Variants in LAMA5 observed in about 807,000 individuals in gnomAD.
LAMA5 encodes the protein laminin subunit alpha-5.
In LAMA5, 260 loss-of-function variants were observed where a neutral mutation model predicts 433.4. The observed-to-expected ratio is 0.60, with a 90% CI of 0.54 to 0.66. The LOEUF (loss-of-function observed/expected upper bound fraction) is 0.66, where lower values mean the gene tolerates loss of function less well. LAMA5 is among the 30% of genes least tolerant of loss of function. The pLI, the probability that LAMA5 is intolerant of heterozygous loss-of-function variation, is 0.00. For synonymous variants in LAMA5, 2,620 were observed against 2,226.6 expected (o/e 1.18, Z -4.97); for missense variants, 5,378 against 5,258.5 (o/e 1.02, Z -0.70).
intron 34 of LAMA5, 57 bp downstream of exon 34, chr20:62,328,787 C>T (rs917527072): frequency 2.6e-6 from 4 of 1,542,076 alleles, no homozygotes; most frequent in Non-Finnish European, 3.6e-6. Context: ...GACCCGTCCA[C>T]CTTGGGCTCT....
At chr20:62,337,515 G>A (rs1981865135) in intron 16 of LAMA5, 75 bp downstream of exon 16, 2 of 1,534,448 alleles carry the variant, frequency 1.3e-6, no homozygotes, top group South Asian at 2.4e-5. Context: ...CTCACAGGAA[G>A]GCAGGCAGCG....
chr20:62,333,493 A>AGGTGGTGCTGAG lies in LAMA5; in HGVS notation c.3022-24_3022-13dup, dbSNP rs771729421. 2.6e-5 allele frequency: 41 copies of AGGTGGTGCTGAG among 1,607,822 alleles called. No individual in the cohort carries two copies. The highest frequency in any genetic ancestry group is 3.3e-4 in the Middle Eastern group (2 of 6,066). ...AGAACCACGTAGTCCTGCAGGGTGG[A>AGGTGGTGCTGAG]GGTGGTGCTGAGAGTGGTGGGCCCC... is the stretch of plus-strand genomic sequence containing the variant. On this transcript the variant is annotated splice_polypyrimidine_tract_variant and intron_variant, in intron 24 of 79. Transcript: ENST00000252999.
At position 62,325,550 on chromosome 20, in the gene LAMA5, T is replaced by C; in HGVS notation, c.5299-4A>G. ...TCTCCGTATGCCGGAAGTTCCCCTG[T>C]GGGTCCAGGATGGCACCTCAGTGGG... On this transcript the variant is annotated splice_region_variant and splice_polypyrimidine_tract_variant and intron_variant, in intron 40 of 79. Transcript: ENST00000252999. The C allele has an allele frequency of 6.3e-7, 1 of 1,598,060 alleles. No homozygotes were observed. The highest frequency in any genetic ancestry group is 8.5e-7 in the Non-Finnish European group (1 of 1,169,600).
chr20:62,341,032 C>A (rs1982509798), intron 11 of LAMA5, among the ~76,000 whole-genome samples: 2 of 148,956 alleles, frequency 1.3e-5, no homozygotes, highest in South Asian at 2.1e-4. Context: ...GAGTGAGACT[C>A]TGTGTCAAAA....
chr20:62,334,776 T>G (rs7268826), intron 20 of LAMA5, among the ~76,000 whole-genome samples, 155 bp from the exon 21 acceptor site: 6 of 14,286 alleles, frequency 4.2e-4, no homozygotes, highest in South Asian at 2.1e-3. Context: ...AGGGCGAGGG[T>G]GAGGGCGCTG....
Position 62,317,038 on chromosome 20 carries a change from A to G in LAMA5, c.7512-15T>C, listed in dbSNP as rs1328094869. 1 of 1,515,622 alleles carries G rather than the reference A, an allele frequency of 6.6e-7. No homozygotes were observed. Among genetic ancestry groups the G allele is most frequent in the Admixed American group, 2.1e-5 (1 of 46,626 alleles). The allele number at this position is 1,515,622 out of a possible 1,614,324, so 93.9% of individuals were successfully genotyped here. On this transcript the variant is annotated splice_polypyrimidine_tract_variant and intron_variant, in intron 55 of 79. Transcript: ENST00000252999. ...CCAGGATGATGCTGCAGCGGAAGGG[A>G]GGGTCGAAGGAGTGGGTAAGCGCAG...
chr20:62,310,433 C>A lies in LAMA5; in HGVS notation c.10586G>T (p.Gly3529Val). 6.2e-7 allele frequency: 1 copy of A among 1,604,164 alleles called. No individual in the cohort carries two copies. The highest frequency in any genetic ancestry group is 8.5e-7 in the Non-Finnish European group (1 of 1,176,480). ...EAGLFFPGSG[G>V]VITLDLPGAT... ...CACCCACAGACCTAAAGTGATAACT[C>A]CCCCGCTGCCTGGGAAGAACAGGCC... The change falls in exon 76 of 80, where the codon GGA (glycine) becomes GTA (valine). Residue 3529 changes from glycine to valine, a missense_variant. Physicochemically the swap from Gly to Val is moderately radical, Grantham distance 109. Transcript: ENST00000252999.
At position 62,317,740 on chromosome 20, in the gene LAMA5, C is replaced by T. The variant is rs1434850002; in HGVS notation, c.7278G>A (p.Leu2426=). 5.6e-6 allele frequency: 9 copies of T among 1,607,282 alleles called. No homozygotes were observed. Among genetic ancestry groups the T allele is most frequent in the African/African-American group, 1.3e-5 (1 of 74,356 alleles). Residue 2426 remains leucine (L), a synonymous_variant, in exon 54 of 80, where the codon CTG becomes CTA. Transcript: ENST00000252999. Reference sequence around the variant, plus strand: ...CCCTAGCCGCATGCAGAGTGGCCTGCAGGGTGGCATTGTCCCGGGACAGCT... The same window carrying T: ...CCCTAGCCGCATGCAGAGTGGCCTGTAGGGTGGCATTGTCCCGGGACAGCT... ...KQELSRDNAT[L]QATLHAARDT... is the part of the protein sequence containing the mutation.
rs758612962 is a variant in LAMA5, at chr20:62,328,434, C to T, written c.4459G>A (p.Gly1487Ser). The T allele has an allele frequency of 6.0e-6, 9 of 1,501,204 alleles. No individual in the cohort carries two copies. Among genetic ancestry groups the T allele is most frequent in the African/African-American group, 1.4e-5 (1 of 72,860 alleles). The allele number at this position is 1,501,204 out of a possible 1,614,324, so 93.0% of individuals were successfully genotyped here. ...GFPNCRPCDC[G>S]ARLCDELTGQ... ...GTGAGCTCGTCACAGAGGCGGGCACCGCAGTCACAGGCTGTGGGGCGGGTA... is the reference window on the plus strand; with the variant it reads ...GTGAGCTCGTCACAGAGGCGGGCACTGCAGTCACAGGCTGTGGGGCGGGTA... Residue 1487 changes from glycine to serine, a missense_variant, in exon 35 of 80, where the codon GGT becomes AGT. Coordinates refer to ENST00000252999, the MANE Select transcript of LAMA5 (RefSeq NM_005560.6).
intron 34 of LAMA5, 38 bp from the exon 35 acceptor site, chr20:62,328,483 C>T (rs1325821631): frequency 6.9e-7 from 1 of 1,450,042 alleles, no homozygotes; most frequent in Non-Finnish European, 9.1e-7. Context: ...CCCCTCTTCC[C>T]AGTCCCGCCC....
rs1232838713 is a variant in LAMA5 at position 62,334,538 on chromosome 20, C to T, written c.2566G>A (p.Gly856Ser). 4.5e-6 allele frequency: 7 copies of T among 1,548,558 alleles called. No individual in the cohort carries two copies. The highest frequency in any genetic ancestry group is 6.1e-6 in the Non-Finnish European group (7 of 1,146,706). ...GGTACCCACTCGCTGCAGGTGGGGC[C>T]CTGGGTGTTGGGGCGGCACCGGCAG... ...GVCRCRPNTQ[G>S]PTCSEPARDH... Residue 856 changes from glycine to serine, a missense_variant, in exon 21 of 80, where the codon GGC (glycine) becomes AGC (serine). By Grantham distance (56) the Gly-to-Ser change is moderately conservative. Transcript: ENST00000252999.
chr20:62,322,846 C>A, intron 45 of LAMA5, 88 bp from the exon 46 acceptor site: 1 of 851,088 alleles, frequency 1.2e-6, no homozygotes, highest in South Asian at 1.9e-5. Flanking sequence ...CACTTCACTG[C>A]CTCCTGCTGT....
In LAMA5 at chr20:62,351,306, G is replaced by A; in HGVS notation, c.956+398C>T. 1.0e-5 allele frequency: 3 copies of A among 287,868 alleles called. No homozygotes were observed. In the South Asian group the frequency reaches 1.8e-4, roughly 17 times the overall value. The allele number at this position is 287,868 out of a possible 1,614,324, so 17.8% of individuals were successfully genotyped here. ...ATTAGGGCTGCCTCGGCAGGTAGTGGGCACCTGTCCATTCCGGGGGATGCA... is the reference window on the plus strand; with the variant it reads ...ATTAGGGCTGCCTCGGCAGGTAGTGAGCACCTGTCCATTCCGGGGGATGCA... On this transcript the variant is annotated intron_variant, in intron 6 of 79. Transcript: ENST00000252999.
intron 16 of LAMA5, 41 bp from the exon 17 acceptor site, chr20:62,336,827 C>A: frequency 6.2e-7 from 1 of 1,603,404 alleles, no homozygotes; most frequent in South Asian, 1.1e-5. Flanking sequence ...TCCCAGTGAC[C>A]AACCCGGAAG....
At chr20:62,326,828 A>G in intron 39 of LAMA5, 37 bp downstream of exon 39, 1 of 1,600,082 alleles carries the variant, frequency 6.2e-7, no homozygotes, top group Non-Finnish European at 8.6e-7. Flanking sequence ...CGCCACGCCC[A>G]CCCAACCACC....
chr20:62,366,148 T>C (rs1215880221), intron 1 of LAMA5, among the ~76,000 whole-genome samples: 1 of 152,152 alleles, frequency 6.6e-6, no homozygotes, highest in Non-Finnish European at 1.5e-5. Flanking sequence ...TTGGGAGCCG[T>C]TGGAGCTGAC....
At chr20:62,323,305 G>T in intron 45 of LAMA5, 151 bp downstream of exon 45, 3 of 685,068 alleles carry the variant, frequency 4.4e-6, no homozygotes, top group Non-Finnish European at 4.8e-6. Flanking sequence ...GGGGAGAAAG[G>T]GTTGACCATG....
chr20:62,332,470 G>A lies in LAMA5; in HGVS notation c.3454C>T (p.Arg1152Trp), dbSNP rs1980656253. 3 of 1,612,368 alleles carry A rather than the reference G, an allele frequency of 1.9e-6. No individual in the cohort carries two copies. The highest frequency in any genetic ancestry group is 2.5e-6 in the Non-Finnish European group (3 of 1,179,786). ...TCCTGGGTATCCCGGGCAGTGCCCCGGCACAGGGTGCTGTGGGGGGAGGGT... is the reference window on the plus strand; with the variant it reads ...TCCTGGGTATCCCGGGCAGTGCCCCAGCACAGGGTGCTGTGGGGGGAGGGT... ...LHPCLYSTLC[R>W]GTARDTQDHL... is the part of the protein sequence containing the mutation. Residue 1152 changes from arginine (R) to tryptophan (W), a missense_variant, in exon 28 of 80, where the codon CGG becomes TGG. Transcript: ENST00000252999.
chr20:62,317,247 C>T (rs1601296114), intron 55 of LAMA5, 98 bp downstream of exon 55: 2 of 1,347,694 alleles, frequency 1.5e-6, no homozygotes, highest in Non-Finnish European at 9.8e-7. Context: ...GGACAACGGC[C>T]TCAGCCCCTA....
Sources: gnomAD v4.1 joint callset for allele counts (sites outside exome capture counted in the v4.1 genomes callset) on GRCh38, gnomAD v4.1.1 for gene constraint, MANE v1.5 for transcripts, NCBI Gene and HGNC (gene_info 2026-07-23, HGNC 2026-07-21) for gene names.